Variants in AXDND1 observed in about 807,000 individuals in gnomAD.
AXDND1 encodes axonemal dynein light chain domain-containing protein 1.
In AXDND1, 110 loss-of-function variants were observed where a neutral mutation model predicts 137.5. The observed-to-expected ratio is 0.80, with a 90% CI of 0.69 to 0.94. AXDND1 has a LOEUF of 0.94. Ranked by LOEUF, AXDND1 falls within the 40% of genes least tolerant of loss-of-function variation. AXDND1 has a pLI of 0.00. For missense variants in AXDND1, 1,191 were observed against 1,169.8 expected (o/e 1.02, Z -0.26); for synonymous variants, 414 against 399.7 (o/e 1.04, Z -0.43).
At chr1:179,480,115 G>A (rs1030995014) in intron 17 of AXDND1, among the ~76,000 whole-genome samples, 30 of 152,246 alleles carry the variant, frequency 2.0e-4, no homozygotes, top group African/African-American at 7.0e-4. Context: ...TTCCAAGGTC[G>A]CTCCCACATT....
At chr1:179,443,820 A>G (rs10913763) in intron 15 of AXDND1, among the ~76,000 whole-genome samples, 131,672 of 152,146 alleles carry the variant, frequency 0.87, 57,147 homozygotes, top group East Asian at 0.9. Flanking sequence ...TTAAGGGGTC[A>G]GAGCTTGGAA....
At chr1:179,503,802 C>G (rs888582070) in intron 20 of AXDND1, among the ~76,000 whole-genome samples, 1 of 151,922 alleles carries the variant, frequency 6.6e-6, no homozygotes, top group African/African-American at 2.4e-5. Flanking sequence ...TGAGAACACG[C>G]GGTGTTTGCT....
At chr1:179,530,537 A>C (rs1326976892) in intron 23 of AXDND1, among the ~76,000 whole-genome samples, 2 of 152,136 alleles carry the variant, frequency 1.3e-5, no homozygotes, top group Non-Finnish European at 2.9e-5. Flanking sequence ...GGAGTATCAC[A>C]TGTCTTTGAT....
At chr1:179,438,160 G>GTAAA (rs913785216) in intron 15 of AXDND1, among the ~76,000 whole-genome samples, 3 of 36,150 alleles carry the variant, frequency 8.3e-5, no homozygotes, top group Non-Finnish European at 1.4e-4. Context: ...TCAAAAATAA[G>GTAAA]TAAATAAATA....
intron 16 of AXDND1, chr1:179,456,952 AT>A (rs1661495788): frequency 6.6e-7 from 1 of 1,511,272 alleles, no homozygotes; most frequent in Admixed American, 1.7e-5. Flanking sequence ...CATTTTTTCC[AT>A]ACTGTTCAAA....
chr1:179,449,025 A>G (rs1413800805), intron 16 of AXDND1: 1 of 377,566 alleles, frequency 2.6e-6, no homozygotes, highest in African/African-American at 2.2e-5. Context: ...AGCTAGGACT[A>G]CAGGTGTGTG....
chr1:179,465,935 A>G (rs1262507189), intron 16 of AXDND1, among the ~76,000 whole-genome samples: 4 of 152,102 alleles, frequency 2.6e-5, no homozygotes, highest in Admixed American at 2.6e-4. Flanking sequence ...CGCGGGATAT[A>G]ATCTCCTGGT....
At chr1:179,528,281 G>T (rs1347191094) in intron 22 of AXDND1, 46 bp from the exon 23 acceptor site, 1 of 1,409,376 alleles carries the variant, frequency 7.1e-7, no homozygotes, top group Admixed American at 1.7e-5. Context: ...ACTTGCTGGG[G>T]TGCTACACCA....
intron 16 of AXDND1, chr1:179,447,535 GC>G (rs1659909255): frequency 1.4e-5 from 9 of 659,018 alleles, no homozygotes; most frequent in Non-Finnish European, 2.2e-5. Flanking sequence ...TCCAAAGGAA[GC>G]TACAGGCTAT....
chr1:179,526,469 A>T (rs1670538392), intron 22 of AXDND1, among the ~76,000 whole-genome samples: 1 of 152,220 alleles, frequency 6.6e-6, no homozygotes, highest in South Asian at 2.1e-4. Context: ...ATTCAAACCC[A>T]GTTAAGTCTG....
At chr1:179,526,177 A>G (rs1670513147) in intron 22 of AXDND1, among the ~76,000 whole-genome samples, 1 of 151,976 alleles carries the variant, frequency 6.6e-6, no homozygotes. Context: ...TCCCAGGCCC[A>G]TCACCAGACC....
chr1:179,382,546 G>C (rs1483901054), intron 6 of AXDND1, among the ~76,000 whole-genome samples, 154 bp from the exon 7 acceptor site: 1 of 152,166 alleles, frequency 6.6e-6, no homozygotes, highest in Non-Finnish European at 1.5e-5. Context: ...CTCCAGCCCT[G>C]GAATGGGTGG....
intron 12 of AXDND1, among the ~76,000 whole-genome samples, chr1:179,421,908 C>T (rs1397900972): frequency 6.6e-6 from 1 of 151,810 alleles, no homozygotes. Flanking sequence ...GGCATGGTGG[C>T]AGGCGCCTGT....
intron 15 of AXDND1, among the ~76,000 whole-genome samples, chr1:179,432,721 C>T (rs1027824763): frequency 8.6e-5 from 13 of 152,008 alleles, no homozygotes; most frequent in South Asian, 4.2e-4. Flanking sequence ...TCACCATGCC[C>T]GACCACATCT....
intron 16 of AXDND1, among the ~76,000 whole-genome samples, chr1:179,459,809 T>A (rs72719289): frequency 5.0e-5 from 7 of 139,688 alleles, no homozygotes; most frequent in Admixed American, 1.5e-4. Flanking sequence ...CTTTCTTTCC[T>A]TCCTTCCTTC....
intron 2 of AXDND1, among the ~76,000 whole-genome samples, chr1:179,367,702 A>C (rs1037832604): frequency 2.0e-5 from 3 of 152,236 alleles, no homozygotes; most frequent in Non-Finnish European, 2.9e-5. Context: ...TTGCCACTGC[A>C]CTCTAGCCTG....
chr1:179,435,961 G>C (rs1241195922), intron 15 of AXDND1, among the ~76,000 whole-genome samples: 1 of 151,726 alleles, frequency 6.6e-6, no homozygotes, highest in Non-Finnish European at 1.5e-5. Flanking sequence ...CTAATATCCA[G>C]AATCTATAAG....
At chr1:179,527,959 G>A (rs78700722) in intron 22 of AXDND1, among the ~76,000 whole-genome samples, 4,746 of 152,162 alleles carry the variant, frequency 0.031, 273 homozygotes, top group African/African-American at 0.11. Flanking sequence ...AAGTACCTAG[G>A]AAGAAGGCAT....
At chr1:179,469,499 A>G (rs1293996083) in intron 17 of AXDND1, among the ~76,000 whole-genome samples, 1 of 152,072 alleles carries the variant, frequency 6.6e-6, no homozygotes, top group Non-Finnish European at 1.5e-5. Context: ...GTGGACAAAC[A>G]TTTGTTTTCA....
Sources: allele counts gnomAD v4.1 joint callset (sites outside exome capture counted in the v4.1 genomes callset), GRCh38; gene constraint gnomAD v4.1.1; transcripts MANE v1.5; gene names NCBI Gene and HGNC (gene_info 2026-07-23, HGNC 2026-07-21).